Variants in TMLHE observed in about 807,000 individuals in gnomAD.
TMLHE encodes the protein trimethyllysine hydroxylase, epsilon.
Under a neutral mutation model 25.7 loss-of-function variants are expected in TMLHE, and 18 were observed. That is an observed-to-expected ratio of 0.70 (90% CI 0.48 to 1.04). The LOEUF (loss-of-function observed/expected upper bound fraction) is 1.04. Among genes scored for constraint, TMLHE ranks in the 50% least tolerant of loss-of-function variants. TMLHE has a pLI of 0.00. For synonymous variants in TMLHE, 105 were observed against 97.0 expected (o/e 1.08, Z -0.49); for missense variants, 236 against 259.0 (o/e 0.91, Z 0.61).
At chrX:155,515,416 C>T (rs2067145832) in intron 3 of TMLHE, among the ~76,000 whole-genome samples, 1 of 110,073 alleles carries the variant, frequency 9.1e-6, no homozygotes, top group African/African-American at 3.3e-5. Context: ...TAAAAAATTT[C>T]CTATTATTTA....
chrX:155,530,019 T>C (rs1186562591), intron 2 of TMLHE, among the ~76,000 whole-genome samples: 2 of 111,941 alleles, frequency 1.8e-5, no homozygotes, highest in Non-Finnish European at 3.8e-5. Flanking sequence ...CATTTTGAGC[T>C]GATTTGTGTG....
intron 1 of TMLHE, among the ~76,000 whole-genome samples, chrX:155,572,694 T>C (rs2067562443): frequency 1.8e-5 from 1 of 56,542 alleles, no homozygotes; most frequent in Non-Finnish European, 4.6e-5. Flanking sequence ...TATCTATAAC[T>C]ATCTGATCTT....
chrX:155,518,631 C>G (rs1343294474), intron 3 of TMLHE, among the ~76,000 whole-genome samples: 1 of 83,900 alleles, frequency 1.2e-5, no homozygotes, highest in Non-Finnish European at 2.6e-5. Context: ...TAGAATTCTG[C>G]TGTGAATCCA....
rs1557334362 is a variant in TMLHE, at chrX:155,514,178, C to G, written c.446G>C (p.Arg149Thr). The change falls in exon 4 of 8, where the codon AGA (arginine) becomes ACA (threonine). Residue 149 changes from arginine (R) to threonine (T), a missense_variant. By Grantham distance (71) the Arg-to-Thr change is moderately conservative. Coordinates refer to ENST00000334398, the MANE Select transcript of TMLHE (RefSeq NM_018196.4). ...EGQKQKVIQP[R>T]ILWNAEIYQQ... ...GTAGATTTCAGCATTCCATAGTATT[C>G]TAGGCTGGATGACTTTTTGTTTCTG... The G allele has an allele frequency of 3.3e-6, 4 of 1,211,002 alleles. No homozygotes were observed. The highest frequency in any genetic ancestry group is 3.0e-5 in the East Asian group (1 of 33,821).
rs782301976 is a variant in TMLHE, at chrX:155,560,534, GTCAGGGTAGGCC to G, written c.-1-15269_-1-15258del. Among the ~76,000 whole-genome samples the G allele has an allele frequency of 6.7e-3, 216 of 32,445 alleles. 8 individuals are homozygous for G. The highest frequency in any genetic ancestry group is 9.6e-3 in the African/African-American group (206 of 21,431). The allele number at this position is 32,445 out of a possible 115,157, so 28.2% of individuals were successfully genotyped here. On this transcript the variant is annotated intron_variant, in intron 1 of 7. Transcript: ENST00000334398. ...GGAAGTTGGACTTTGAAACATGGTG[GTCAGGGTAGGCC>G]TCATTAAGAAAGATGACATTTGATC...
At chrX:155,606,553 T>C (rs782642939) in intron 1 of TMLHE, among the ~76,000 whole-genome samples, 126 of 110,888 alleles carry the variant, frequency 1.1e-3, no homozygotes, top group Non-Finnish European at 1.9e-3. Flanking sequence ...AATAAATTCT[T>C]GGAAACTAAT....
chrX:155,548,891 A>G (rs1480755061), intron 1 of TMLHE, among the ~76,000 whole-genome samples: 1 of 111,112 alleles, frequency 9.0e-6, no homozygotes, highest in Non-Finnish European at 1.9e-5. Flanking sequence ...GGGAATTGTA[A>G]TCTAGTCACA....
chrX:155,533,052 T>G, intron 2 of TMLHE, among the ~76,000 whole-genome samples: 1 of 111,736 alleles, frequency 8.9e-6, no homozygotes, highest in East Asian at 2.8e-4. Context: ...TGGAGGAAAT[T>G]AGCATTTAAA....
At chrX:155,565,409 T>G (rs1309695379) in intron 1 of TMLHE, among the ~76,000 whole-genome samples, 1 of 61,831 alleles carries the variant, frequency 1.6e-5, no homozygotes, top group African/African-American at 3.6e-5. Context: ...CCCCTTGAGT[T>G]TCCTGGTATG....
At position 155,535,909 on chromosome X, in the gene TMLHE, C is replaced by T. The variant is rs192811803; in HGVS notation, c.181+9187G>A. Among the ~76,000 whole-genome samples, 4 of 112,101 alleles carry T rather than the reference C, an allele frequency of 3.6e-5. No individual in the cohort carries two copies. In the Admixed American group the frequency reaches 3.8e-4, roughly 11 times the overall value. On this transcript the variant is annotated intron_variant, in intron 2 of 7. Coordinates refer to ENST00000334398, the MANE Select transcript of TMLHE (RefSeq NM_018196.4). ...CTGTAGCATCTTTTGTCAACCCTTC[C>T]TTGCACTTGATGTAGCAGTCCATAT...
At chrX:155,606,993 A>G (rs1861007797) in intron 1 of TMLHE, among the ~76,000 whole-genome samples, 8 of 111,234 alleles carry the variant, frequency 7.2e-5, no homozygotes. Context: ...TACCAACCAG[A>G]AAAAAACACA....
intron 1 of TMLHE, among the ~76,000 whole-genome samples, chrX:155,549,772 G>A (rs1603052652): frequency 1.8e-5 from 2 of 109,870 alleles, no homozygotes; most frequent in South Asian, 7.8e-4. Context: ...TACATGTGCA[G>A]AACGTGCAGG....
intron 3 of TMLHE, among the ~76,000 whole-genome samples, chrX:155,514,833 T>C (rs956823487): frequency 9.0e-6 from 1 of 111,566 alleles, no homozygotes; most frequent in Non-Finnish European, 1.9e-5. Flanking sequence ...GCTGTCTAAT[T>C]ATATGACATC....
chrX:155,543,438 G>T (rs1392506557), intron 2 of TMLHE, among the ~76,000 whole-genome samples: 1 of 111,300 alleles, frequency 9.0e-6, no homozygotes. Flanking sequence ...TGTAATAGTT[G>T]CAAAAAAATA....
At chrX:155,560,583 TAGTCATAAGGATATCTGGGGTAA>T (rs1182118312) in intron 1 of TMLHE, among the ~76,000 whole-genome samples, 1 of 37,660 alleles carries the variant, frequency 2.7e-5, no homozygotes, top group Admixed American at 3.4e-4. Flanking sequence ...AAGGAGGAGT[TAGTCATAAGGATATCTGGGGTAA>T]AGTAGACTAG....
At chrX:155,612,678 C>T (rs890572590) in intron 1 of TMLHE, 114 bp downstream of exon 1, 1 of 112,659 alleles carries the variant, frequency 8.9e-6, no homozygotes, top group African/African-American at 3.2e-5. Flanking sequence ...GCCCAGCAGC[C>T]CGGGTGAGAG....
intron 4 of TMLHE, among the ~76,000 whole-genome samples, chrX:155,512,113 T>A (rs1557333696): frequency 8.9e-6 from 1 of 111,824 alleles, no homozygotes; most frequent in Non-Finnish European, 1.9e-5. Context: ...TATGCTCACC[T>A]TTCTTTCACA....
At position 155,572,699 on chromosome X, in the gene TMLHE, G is replaced by T. The variant is rs1190139666; in HGVS notation, c.-1-27422C>A. Among the ~76,000 whole-genome samples, 6 of 56,578 alleles carry T rather than the reference G, an allele frequency of 1.1e-4. 2 individuals carry two copies. The highest frequency in any genetic ancestry group is 2.5e-4 in the African/African-American group (6 of 23,560). The allele number at this position is 56,578 out of a possible 115,157, so 49.1% of individuals were successfully genotyped here. A position where few individuals can be genotyped will look rare whatever the true frequency, so the allele number is the denominator to read the frequency against. ...TAACGCCGCATATCTATAACTATCT[G>T]ATCTTTGACAAACCTGAGAAAAACA... On this transcript the variant is annotated intron_variant, in intron 1 of 7. Coordinates refer to ENST00000334398, the MANE Select transcript of TMLHE (RefSeq NM_018196.4).
intron 1 of TMLHE, among the ~76,000 whole-genome samples, chrX:155,595,592 A>G (rs1015358719): frequency 4.4e-5 from 5 of 112,398 alleles, no homozygotes; most frequent in Non-Finnish European, 9.4e-5. Context: ...AAATAAACCC[A>G]GTTAAGGACC....
Sources: gnomAD v4.1 joint callset for allele counts (sites outside exome capture counted in the v4.1 genomes callset) on GRCh38, gnomAD v4.1.1 for gene constraint, MANE v1.5 for transcripts, NCBI Gene and HGNC (gene_info 2026-07-23, HGNC 2026-07-21) for gene names.